Variants in TSR1 observed in about 807,000 individuals in gnomAD.
TSR1 encodes the protein pre-rRNA-processing protein TSR1 homolog.
TSR1 carries 81 observed loss-of-function variants against 90.9 expected under a neutral mutation model. The observed-to-expected ratio is 0.89, with a 90% CI of 0.74 to 1.07. TSR1 has a LOEUF of 1.07. TSR1 is among the 50% of genes least tolerant of loss of function. The probability of loss-of-function intolerance (pLI) is 0.00; values close to 1 mark genes in which losing one functional copy is unlikely to be tolerated. For missense variants in TSR1, 989 were observed against 987.3 expected, an observed-to-expected ratio of 1.00 and a Z score of -0.02; for synonymous variants, 362 against 348.8, an observed-to-expected ratio of 1.04 and a Z score of -0.42.
At position 2,322,404 on chromosome 17, in the gene TSR1, G is replaced by A. The variant is rs1237698417; in HGVS notation, c.*1792C>T. The A allele has an allele frequency of 6.6e-6, 1 of 152,210 alleles. No individual in the cohort carries two copies. The highest frequency in any genetic ancestry group is 1.5e-5 in the Non-Finnish European group (1 of 68,066). 9.4% of individuals were successfully genotyped at this position (152,210 alleles called of 1,614,324 possible). On this transcript the variant is annotated 3_prime_UTR_variant, in exon 15 of 15. Coordinates refer to ENST00000301364, the MANE Select transcript of TSR1 (RefSeq NM_018128.5). ...TCCAGGCAATGGAAGGCTAGTATCA[G>A]ACATATAATTTATTTATAAAGTGCT...
In TSR1 at chr17:2,323,156, G is replaced by C. The variant is rs1567780347; in HGVS notation, c.*1040C>G. 1 of 1,614,198 alleles carries C rather than the reference G, an allele frequency of 6.2e-7. No homozygotes were observed. The highest frequency in any genetic ancestry group is 8.5e-7 in the Non-Finnish European group (1 of 1,180,048). ...CCCAGGCTCTGAAACCTAGTGTGAA[G>C]GTATATGCTGCTGAACCCTCAAATG... On this transcript the variant is annotated 3_prime_UTR_variant, in exon 15 of 15. Transcript: ENST00000301364.
chr17:2,332,444 G>A, intron 7 of TSR1, 85 bp from the exon 8 acceptor site: 1 of 1,158,640 alleles, frequency 8.6e-7, no homozygotes, highest in Non-Finnish European at 1.2e-6. Flanking sequence ...TAAAATAATT[G>A]TACTAGATCC....
intron 10 of TSR1, 38 bp from the exon 11 acceptor site, chr17:2,329,513 C>A: frequency 6.2e-7 from 1 of 1,609,862 alleles, no homozygotes; most frequent in Non-Finnish European, 8.5e-7. Context: ...TCTTCATAGT[C>A]TAGGAATACA....
intron 11 of TSR1, among the ~76,000 whole-genome samples, chr17:2,325,984 T>A (rs1479196417): frequency 6.6e-6 from 1 of 152,138 alleles, no homozygotes. Context: ...TGGAGTACAA[T>A]GGTGCCATCT....
chr17:2,325,787 A>T (rs2075573147), intron 11 of TSR1, among the ~76,000 whole-genome samples: 1 of 151,714 alleles, frequency 6.6e-6, no homozygotes, highest in South Asian at 2.1e-4. Flanking sequence ...TAATTTTTGT[A>T]TTTTTAGTAG....
chr17:2,323,182 C>T lies in TSR1; in HGVS notation c.*1014G>A, dbSNP rs750404787. 1 of 1,614,206 alleles carries T rather than the reference C, an allele frequency of 6.2e-7. No homozygotes were observed. The stretch of plus-strand genomic sequence containing the variant: ...GTATATGCTGCTGAACCCTCAAATG[C>T]AGATGACTGCTACCAGTCCAAGCTG... On this transcript the variant is annotated 3_prime_UTR_variant, in exon 15 of 15. Transcript: ENST00000301364.
chr17:2,325,374 C>G lies in TSR1; in HGVS notation c.1950G>C (p.Leu650=), dbSNP rs943004061. 4 of 1,613,556 alleles carry G rather than the reference C, an allele frequency of 2.5e-6. No individual in the cohort carries two copies. Among genetic ancestry groups the G allele is most frequent in the Non-Finnish European group, 3.4e-6 (4 of 1,179,888 alleles). The stretch of plus-strand genomic sequence containing the variant: ...TGATTGGCGCATAGACTGTCGCCAC[C>G]AGGGCCATGTCAGCAGTCAGGAATC... ...LQRFLTADMA[L]VATVYAPITF... is the part of the protein sequence containing the mutation. The change falls in exon 12 of 15, where the codon CTG becomes CTC. Residue 650 remains leucine (L), a synonymous_variant. Coordinates refer to ENST00000301364, the MANE Select transcript of TSR1 (RefSeq NM_018128.5).
In TSR1 at chr17:2,331,026, A is replaced by G; in HGVS notation, c.1580T>C (p.Ile527Thr). 1 of 1,612,784 alleles carries G rather than the reference A, an allele frequency of 6.2e-7. No individual in the cohort carries two copies. Among genetic ancestry groups the G allele is most frequent in the Non-Finnish European group, 8.5e-7 (1 of 1,179,706 alleles). Reference sequence around the variant, plus strand: ...GTTAGTAAAGTTCTGAAACTGAAATATTCGAGCATAATCTTGAGGAAGGTT... The same window carrying G: ...GTTAGTAAAGTTCTGAAACTGAAATGTTCGAGCATAATCTTGAGGAAGGTT... ...KENLPQDYARIFQFQNFTNTR... is the reference protein window; with the variant it reads ...KENLPQDYARTFQFQNFTNTR... Residue 527 changes from isoleucine (I) to threonine (T), a missense_variant, in exon 9 of 15, where the codon ATA becomes ACA. Coordinates refer to ENST00000301364, the MANE Select transcript of TSR1 (RefSeq NM_018128.5).
chr17:2,327,061 T>C (rs2075579927), intron 11 of TSR1, among the ~76,000 whole-genome samples: 3 of 151,690 alleles, frequency 2.0e-5, no homozygotes, highest in Admixed American at 2.0e-4. Context: ...GCCAAGATCC[T>C]GCCACTGCAC....
chr17:2,327,415 TC>T (rs1452519898), intron 11 of TSR1, among the ~76,000 whole-genome samples: 3 of 77,526 alleles, frequency 3.9e-5, no homozygotes, highest in Non-Finnish European at 7.4e-5. Context: ...GGACTCTATA[TC>T]AAAAAAAAAA....
In TSR1 at chr17:2,323,851, C is replaced by A. The variant is rs1371248402; in HGVS notation, c.*345G>T. 3 of 1,614,096 alleles carry A rather than the reference C, an allele frequency of 1.9e-6. No individual in the cohort carries two copies. The East Asian group carries it at 6.7e-5, about 36-fold the overall frequency. ...GTGAAGCAGGCTGAAAGGCCAGCTT[C>A]TTATCAGTCTGTTTCTGTTTAATTT... On this transcript the variant is annotated 3_prime_UTR_variant, in exon 15 of 15. Coordinates refer to ENST00000301364, the MANE Select transcript of TSR1 (RefSeq NM_018128.5).
Position 2,334,374 on chromosome 17 carries a change from T to C in TSR1, c.981+98A>G, listed in dbSNP as rs867520780. 1.1e-5 allele frequency: 14 copies of C among 1,284,792 alleles called. No individual in the cohort carries two copies. In the Middle Eastern group the frequency reaches 2.7e-3, roughly 248 times the overall value. 79.6% of individuals were successfully genotyped at this position (1,284,792 alleles called of 1,614,324 possible). ...ATTGCCTTACTTCAGACTAGCAGTC[T>C]CCTCATTCACCTAAGTGTACAGACT... On this transcript the variant is annotated intron_variant, in intron 5 of 14. Coordinates refer to ENST00000301364, the MANE Select transcript of TSR1 (RefSeq NM_018128.5).
intron 11 of TSR1, among the ~76,000 whole-genome samples, chr17:2,328,112 G>A (rs941236084): frequency 3.3e-5 from 5 of 151,730 alleles, no homozygotes; most frequent in South Asian, 4.2e-4. Flanking sequence ...GCGTGGTGGC[G>A]GGTGCCTGTA....
At chr17:2,335,761 C>T (rs374343637) in intron 2 of TSR1, 31 bp from the exon 3 acceptor site, 2 of 1,598,416 alleles carry the variant, frequency 1.3e-6, no homozygotes, top group Non-Finnish European at 1.7e-6. Context: ...GAGAACATCT[C>T]AGTGTCTCAG....
chr17:2,333,161 T>C, intron 6 of TSR1, 37 bp from the exon 7 acceptor site: 3 of 1,607,480 alleles, frequency 1.9e-6, no homozygotes, highest in South Asian at 1.1e-5. Context: ...AATTACAGAC[T>C]TCTTTTCCCT....
At position 2,333,128 on chromosome 17, in the gene TSR1, T is replaced by TA. The variant is rs776336206; in HGVS notation, c.1142-5dup. ...TTAGAACTTTCCTTCAAGAAATCTG[T>TA]AAAAGCCCAAACAAATTAAGTAAAT... On this transcript the variant is annotated splice_region_variant and splice_polypyrimidine_tract_variant and intron_variant, in intron 6 of 14. Transcript: ENST00000301364. 6.2e-7 allele frequency: 1 copy of TA among 1,613,074 alleles called. No homozygotes were observed.
intron 10 of TSR1, chr17:2,330,104 A>G (rs909740061): frequency 3.9e-5 from 14 of 355,718 alleles, no homozygotes; most frequent in East Asian, 7.2e-5. Context: ...TTTTTGGTAG[A>G]GACAGGGTTC....
chr17:2,335,281 CAA>C lies in TSR1; in HGVS notation c.533_534del (p.Phe178CysfsTer31). On this transcript the variant is annotated frameshift_variant, in exon 4 of 15. Transcript: ENST00000301364. LOFTEE classifies it high-confidence loss of function. ...STGDYCLSCL[F>X]AQGLPTYTLA... ...TTACTATAGGTCGGAAGGCCCTGAGCAAAGAGGCAGGAAAGACAGTAATCACC... is the reference window on the plus strand; with the variant it reads ...TTACTATAGGTCGGAAGGCCCTGAGCAGAGGCAGGAAAGACAGTAATCACC... The C allele has an allele frequency of 6.2e-7, 1 of 1,613,978 alleles. No individual in the cohort carries two copies. Among genetic ancestry groups the C allele is most frequent in the Non-Finnish European group, 8.5e-7 (1 of 1,179,990 alleles).
At chr17:2,328,915 G>C (rs1425063237) in intron 11 of TSR1, 1 of 164,024 alleles carries the variant, frequency 6.1e-6, no homozygotes, top group African/African-American at 6.8e-5. Context: ...GTGAGACTCC[G>C]TCTCAAAAAA....
Sources: allele counts gnomAD v4.1 joint callset (sites outside exome capture counted in the v4.1 genomes callset), GRCh38; gene constraint gnomAD v4.1.1; transcripts MANE v1.5; gene names NCBI Gene and HGNC (gene_info 2026-07-23, HGNC 2026-07-21).